Variants in NPAS2 observed in about 807,000 individuals in gnomAD.
NPAS2 encodes neuronal PAS domain-containing protein 2.
NPAS2 carries 23 observed loss-of-function variants against 107.5 expected under a neutral mutation model. That is an observed-to-expected ratio of 0.21 (90% confidence interval 0.15 to 0.30). The LOEUF is 0.30. NPAS2 is among the 10% of genes least tolerant of loss of function. The pLI, the probability that NPAS2 is intolerant of heterozygous loss-of-function variation, is 1.00. For missense variants in NPAS2, 756 were observed against 1,043.3 expected, an observed-to-expected ratio of 0.72 and a Z score of 3.79; for synonymous variants, 403 against 417.5, an observed-to-expected ratio of 0.97 and a Z score of 0.42.
chr2:100,932,815 A>G lies in NPAS2; in HGVS notation c.182-95A>G, dbSNP rs972284621. ...CTTAAATTAAACTACACAGAAGTTTACACAAAATTACATAGAAGTAACATG... is the reference window on the plus strand; with the variant it reads ...CTTAAATTAAACTACACAGAAGTTTGCACAAAATTACATAGAAGTAACATG... On this transcript the variant is annotated intron_variant, in intron 3 of 20. Transcript: ENST00000335681. The G allele has an allele frequency of 1.3e-5, 11 of 855,252 alleles. No homozygotes were observed. In the African/African-American group the frequency reaches 1.7e-4, roughly 13 times the overall value. The allele number at this position is 855,252 out of a possible 1,614,324, so 53.0% of individuals were successfully genotyped here. A position where few individuals can be genotyped will look rare whatever the true frequency, so the allele number is the denominator to read the frequency against.
At position 100,937,827 on chromosome 2, in the gene NPAS2, C is replaced by G. The variant is rs1684428845; in HGVS notation, c.348C>G (p.Leu116=). 5 of 1,613,646 alleles carry G rather than the reference C, an allele frequency of 3.1e-6. No homozygotes were observed. Among genetic ancestry groups the G allele is most frequent in the Admixed American group, 1.7e-5 (1 of 60,026 alleles). ...IIYVSDSITP[L]LGHLPSDVMD... is the part of the protein sequence containing the mutation. ...ATGTCTCTGACAGTATCACGCCTCT[C>G]CTTGGGCATTTACCGGTGAGTTTCC... The change falls in exon 5 of 21, where the codon CTC becomes CTG. Residue 116 remains leucine, a synonymous_variant. Coordinates refer to ENST00000335681, the MANE Select transcript of NPAS2 (RefSeq NM_002518.4).
intron 19 of NPAS2, 113 bp from the exon 20 acceptor site, chr2:100,993,234 A>G (rs891058294): frequency 2.0e-5 from 22 of 1,125,686 alleles, no homozygotes; most frequent in Non-Finnish European, 2.5e-5. Flanking sequence ...CGCCTGGCCA[A>G]AAGTTTCTTA....
At chr2:100,979,979 G>A (rs964868444) in intron 15 of NPAS2, among the ~76,000 whole-genome samples, 1 of 152,172 alleles carries the variant, frequency 6.6e-6, no homozygotes, top group Non-Finnish European at 1.5e-5. Flanking sequence ...GGAAAGAAGG[G>A]AAAAATGAAA....
chr2:100,850,011 T>TAAAAAAAAAAA (rs58359292), intron 1 of NPAS2, among the ~76,000 whole-genome samples: 5 of 56,214 alleles, frequency 8.9e-5, no homozygotes, highest in East Asian at 7.0e-4. Context: ...ACTCTTTTTG[T>TAAAAAAAAAAA]AAAAAAAAAA....
chr2:100,982,439 A>T (rs1359190604), intron 16 of NPAS2, 62 bp downstream of exon 16: 12 of 1,579,278 alleles, frequency 7.6e-6, no homozygotes, highest in Admixed American at 1.7e-5. Context: ...TCCTGCCGCC[A>T]TTTCCGGGCA....
chr2:100,944,948 G>C (rs1211426600), intron 5 of NPAS2, among the ~76,000 whole-genome samples: 2 of 152,310 alleles, frequency 1.3e-5, no homozygotes, highest in East Asian at 3.9e-4. Flanking sequence ...AGCCCTCCAA[G>C]AAGAGGCCAT....
In NPAS2 at chr2:100,977,814, C is replaced by A. The variant is rs373295042; in HGVS notation, c.1482+15C>A. On this transcript the variant is annotated intron_variant, in intron 15 of 20. Coordinates refer to ENST00000335681, the MANE Select transcript of NPAS2 (RefSeq NM_002518.4). ...CCATGGCACAGGTGAGTCTGGGACC[C>A]AGGAAAGGGCAGCCCCTCTCAAGCC... 2.5e-6 allele frequency: 4 copies of A among 1,608,572 alleles called. No homozygotes were observed. Among genetic ancestry groups the A allele is most frequent in the Non-Finnish European group, 3.4e-6 (4 of 1,175,390 alleles).
chr2:100,866,163 T>C (rs778936912), intron 1 of NPAS2, among the ~76,000 whole-genome samples: 9 of 152,214 alleles, frequency 5.9e-5, no homozygotes, highest in Non-Finnish European at 1.2e-4. Context: ...GAGTGAGCAC[T>C]GTGGCAGAGG....
chr2:100,857,773 C>T (rs995263728), intron 1 of NPAS2, among the ~76,000 whole-genome samples: 4 of 151,348 alleles, frequency 2.6e-5, no homozygotes, highest in Non-Finnish European at 5.9e-5. Flanking sequence ...TCTTGAACTT[C>T]GCTTTCCTTC....
At chr2:100,851,138 C>T (rs1299346537) in intron 1 of NPAS2, among the ~76,000 whole-genome samples, 4 of 151,600 alleles carry the variant, frequency 2.6e-5, no homozygotes, top group East Asian at 1.9e-4. Flanking sequence ...ATGGGAGTTG[C>T]GGGGGCTGGA....
At chr2:100,838,315 T>G (rs1677189610) in intron 1 of NPAS2, among the ~76,000 whole-genome samples, 1 of 152,162 alleles carries the variant, frequency 6.6e-6, no homozygotes. Context: ...TTTGCTCTTG[T>G]TGCCCAGGCT....
chr2:100,977,622 C>A (rs1028334081), intron 14 of NPAS2, 88 bp from the exon 15 acceptor site: 5 of 1,136,794 alleles, frequency 4.4e-6, no homozygotes, highest in Non-Finnish European at 6.7e-6. Context: ...CAGTGCGGAA[C>A]GCAGAGAACC....
At position 100,975,161 on chromosome 2, in the gene NPAS2, G is replaced by A. The variant is rs991805010; in HGVS notation, c.1282+217G>A. 2.0e-5 allele frequency: 12 copies of A among 605,996 alleles called. No individual in the cohort carries two copies. The African/African-American group carries it at 2.2e-4, about 11-fold the overall frequency. 37.5% of individuals were successfully genotyped at this position (605,996 alleles called of 1,614,324 possible). A position where few individuals can be genotyped will look rare whatever the true frequency, so the allele number is the denominator to read the frequency against. ...ATTCATTGCCAAGCAAAGACATTGA[G>A]TGGGTTGTGCACAGATCTGATCCCT... On this transcript the variant is annotated intron_variant, in intron 13 of 20. Coordinates refer to ENST00000335681, the MANE Select transcript of NPAS2 (RefSeq NM_002518.4).
chr2:100,902,445 T>C lies in NPAS2; in HGVS notation c.-22-2288T>C, dbSNP rs1308198057. Among the ~76,000 whole-genome samples, 3 of 152,168 alleles carry C rather than the reference T, an allele frequency of 2.0e-5. No homozygotes were observed. In the South Asian group the frequency reaches 6.2e-4, roughly 32 times the overall value. On this transcript the variant is annotated intron_variant, in intron 1 of 20. Coordinates refer to ENST00000335681, the MANE Select transcript of NPAS2 (RefSeq NM_002518.4). ...GCAACATGGATGAACCCTGAGGACA[T>C]TACGCTGTGTGAAATAAGCCAAATA...
At chr2:100,925,487 C>A (rs1683502083) in intron 3 of NPAS2, among the ~76,000 whole-genome samples, 193 bp downstream of exon 3, 1 of 152,178 alleles carries the variant, frequency 6.6e-6, no homozygotes, top group Non-Finnish European at 1.5e-5. Flanking sequence ...AGGGCACACA[C>A]CTCCCAATTG....
intron 1 of NPAS2, among the ~76,000 whole-genome samples, chr2:100,897,207 T>C (rs1258861027): frequency 6.6e-6 from 1 of 152,064 alleles, no homozygotes; most frequent in Non-Finnish European, 1.5e-5. Context: ...CCAGGACACA[T>C]GGGGATTATG....
At chr2:100,841,969 C>T (rs1573440654) in intron 1 of NPAS2, among the ~76,000 whole-genome samples, 1 of 152,154 alleles carries the variant, frequency 6.6e-6, no homozygotes, top group African/African-American at 2.4e-5. Flanking sequence ...CAAGCATGCA[C>T]AGCATATTCA....
chr2:100,848,522 C>G (rs1454790685), intron 1 of NPAS2, among the ~76,000 whole-genome samples: 1 of 152,164 alleles, frequency 6.6e-6, no homozygotes, highest in Non-Finnish European at 1.5e-5. Context: ...TTGACCCACA[C>G]AGTTTGGCAT....
intron 1 of NPAS2, among the ~76,000 whole-genome samples, chr2:100,825,147 AAGAC>A (rs1228909138): frequency 6.6e-6 from 1 of 152,194 alleles, no homozygotes; most frequent in Admixed American, 6.5e-5. Flanking sequence ...GGCCCATCTA[AAGAC>A]AGACAGGTGA....
Sources: allele counts gnomAD v4.1 joint callset (sites outside exome capture counted in the v4.1 genomes callset), GRCh38; gene constraint gnomAD v4.1.1; transcripts MANE v1.5; gene names NCBI Gene and HGNC (gene_info 2026-07-23, HGNC 2026-07-21).